SMIM7: variants seen among roughly 807,000 people sequenced by gnomAD.
SMIM7 encodes the protein small integral membrane protein 7, also known as UPF0608 protein C19orf42.
In SMIM7, 12 loss-of-function variants were observed where a neutral mutation model predicts 13.3. The ratio of observed to expected loss-of-function variants is 0.90; its 90% CI spans 0.58 to 1.46. The LOEUF (loss-of-function observed/expected upper bound fraction) is 1.46. Ranked by LOEUF, SMIM7 falls within the 40% of genes most tolerant of loss-of-function variation. SMIM7 has a pLI of 0.00. For synonymous variants in SMIM7, 36 were observed against 35.8 expected (o/e 1.01, Z -0.02); for missense variants, 114 against 94.8 (o/e 1.20, Z -0.84).
At chr19:16,644,118 G>GTTTTTTTTT (rs557600997), downstream of SMIM7, among the ~76,000 whole-genome samples, 2 of 85,430 alleles carry the variant, frequency 2.3e-5, no homozygotes, top group African/African-American at 4.9e-5. Context: ...AATTGTTTGC[G>GTTTTTTTTT]TTTTTTTTTT....
In SMIM7 at chr19:16,659,901, T is replaced by C. The variant is rs573320920; in HGVS notation, c.68+58A>G. The C allele has an allele frequency of 1.2e-4, 191 of 1,562,704 alleles. No homozygotes were observed. Among genetic ancestry groups the C allele is most frequent in the South Asian group, 9.3e-4 (80 of 85,994 alleles). On this transcript the variant is annotated intron_variant, in intron 2 of 4. Transcript: ENST00000487416. Reference sequence around the variant, plus strand: ...GAGAAGTGCGCCGAGATCACGCTTATGAGGGCGGGGCTACGGGTTCCCCGG... The same window carrying C: ...GAGAAGTGCGCCGAGATCACGCTTACGAGGGCGGGGCTACGGGTTCCCCGG...
At chr19:16,659,523 G>T in intron 2 of SMIM7, 76 bp from the exon 3 acceptor site, 2 of 1,449,630 alleles carry the variant, frequency 1.4e-6, no homozygotes, top group Non-Finnish European at 1.9e-6. Context: ...AGCTCAGAAG[G>T]CCACAAACAC....
At chr19:16,635,899 A>AAAAAAAAAAAAAAAAAAATAT (rs1200181092) in intron 4 of SMIM7, among the ~76,000 whole-genome samples, 1 of 109,598 alleles carries the variant, frequency 9.1e-6, no homozygotes, top group African/African-American at 4.3e-5. Context: ...AAAAAAAAAA[A>AAAAAAAAAAAAAAAAAAATAT]ATATATATAT....
chr19:16,633,105 T>A (rs994947233), intron 4 of SMIM7, among the ~76,000 whole-genome samples: 5 of 152,150 alleles, frequency 3.3e-5, no homozygotes, highest in Non-Finnish European at 7.4e-5. Context: ...TTGTGGGTGC[T>A]ACAATAATCT....
Position 16,654,031 on chromosome 19 carries a change from T to C in SMIM7, c.212+4A>G, listed in dbSNP as rs2086563577. 6.2e-7 allele frequency: 1 copy of C among 1,613,170 alleles called. No individual in the cohort carries two copies. The highest frequency in any genetic ancestry group is 8.5e-7 in the Non-Finnish European group (1 of 1,179,566). On this transcript the variant is annotated splice_donor_region_variant and intron_variant, in intron 4 of 4. Transcript: ENST00000487416. ...AGTGAAAGGAAAGGGCAGGCTGGAC[T>C]CACACAATCATGCAGAACATCATGA... is the stretch of plus-strand genomic sequence containing the variant.
intron 3 of SMIM7, among the ~76,000 whole-genome samples, chr19:16,656,075 C>T (rs1168247572): frequency 6.6e-6 from 1 of 152,192 alleles, no homozygotes; most frequent in Non-Finnish European, 1.5e-5. Context: ...CCACCATCAA[C>T]AGATGCCAAT....
chr19:16,641,804 G>C (rs1330335087), downstream of SMIM7, among the ~76,000 whole-genome samples: 7 of 152,130 alleles, frequency 4.6e-5, no homozygotes, highest in Non-Finnish European at 8.8e-5. Context: ...TTGCCACAGC[G>C]GTCAGGCTAA....
intron 2 of SMIM7, 135 bp from the exon 3 acceptor site, chr19:16,659,582 G>T: frequency 1.2e-6 from 1 of 849,312 alleles, no homozygotes; most frequent in Non-Finnish European, 1.9e-6. Flanking sequence ...GACCTCTGAC[G>T]TTCAATACCC....
intron 4 of SMIM7, chr19:16,652,728 T>C: frequency 6.9e-7 from 1 of 1,447,576 alleles, no homozygotes; most frequent in South Asian, 1.5e-5. Context: ...GCACGCAGAC[T>C]GGACAGCAAC....
chr19:16,637,756 C>T (rs60103501), intron 4 of SMIM7, among the ~76,000 whole-genome samples: 207 of 152,316 alleles, frequency 1.4e-3, no homozygotes, highest in African/African-American at 4.9e-3. Flanking sequence ...TGCCTCAAGG[C>T]ATACTACTAG....
intron 3 of SMIM7, among the ~76,000 whole-genome samples, chr19:16,658,505 C>T (rs1293185997): frequency 6.6e-6 from 1 of 152,144 alleles, no homozygotes; most frequent in Admixed American, 6.6e-5. Flanking sequence ...TGGGATGAGG[C>T]AGAGTCTACA....
intron 4 of SMIM7, among the ~76,000 whole-genome samples, chr19:16,651,891 G>A (rs2086531506): frequency 6.9e-6 from 1 of 144,822 alleles, no homozygotes; most frequent in Non-Finnish European, 1.5e-5. Flanking sequence ...CCCTGCCCCA[G>A]GACCTTTGCA....
At chr19:16,652,779 T>C in intron 4 of SMIM7, 1 of 1,511,740 alleles carries the variant, frequency 6.6e-7, no homozygotes, top group Non-Finnish European at 8.9e-7. Context: ...AGACAACTTT[T>C]TGTCCTCTCT....
At chr19:16,636,006 T>C (rs965859422) in intron 4 of SMIM7, among the ~76,000 whole-genome samples, 18 of 150,952 alleles carry the variant, frequency 1.2e-4, no homozygotes, top group Non-Finnish European at 2.4e-4. Flanking sequence ...CCCCAGAACC[T>C]GTAAATATGT....
chr19:16,653,015 C>G, intron 4 of SMIM7: 5 of 1,540,396 alleles, frequency 3.2e-6, no homozygotes, highest in Non-Finnish European at 4.4e-6. Flanking sequence ...GAATACATTT[C>G]TACTGGCTTC....
intron 2 of SMIM7, chr19:16,659,658 G>T: frequency 1.5e-6 from 1 of 659,524 alleles, no homozygotes; most frequent in Non-Finnish European, 2.6e-6. Context: ...TTTACAAAGT[G>T]GCCCGACAGT....
intron 4 of SMIM7, among the ~76,000 whole-genome samples, chr19:16,638,095 T>TAA (rs199961444): frequency 1.4e-4 from 20 of 143,038 alleles, no homozygotes; most frequent in East Asian, 6.2e-4. Flanking sequence ...CCACCTCTAC[T>TAA]AAAAAAAAAA....
At chr19:16,657,190 G>A (rs1321785582) in intron 3 of SMIM7, among the ~76,000 whole-genome samples, 2 of 152,210 alleles carry the variant, frequency 1.3e-5, no homozygotes, top group Non-Finnish European at 2.9e-5. Flanking sequence ...AGGCAAAGAG[G>A]ATGGAGGGCA....
chr19:16,640,534 A>C (rs1159817842), intron 4 of SMIM7: 1 of 152,230 alleles, frequency 6.6e-6, no homozygotes, highest in African/African-American at 2.4e-5. Context: ...TTTCAAATCT[A>C]ACCACTTCAG....
Sources: gnomAD v4.1 joint callset for allele counts (sites outside exome capture counted in the v4.1 genomes callset) on GRCh38, gnomAD v4.1.1 for gene constraint, MANE v1.5 for transcripts, NCBI Gene and HGNC (gene_info 2026-07-23, HGNC 2026-07-21) for gene names.